Variants in WNK3 observed in about 807,000 individuals in gnomAD.
The protein encoded by WNK3 is serine/threonine-protein kinase WNK3.
WNK3 carries 18 observed loss-of-function variants against 116.7 expected under a neutral mutation model. The observed-to-expected ratio is 0.15, with a 90% CI of 0.11 to 0.23. WNK3 has a LOEUF of 0.23. Ranked by LOEUF, WNK3 falls within the 10% of genes least tolerant of loss-of-function variation. The pLI is 1.00. For missense variants in WNK3, 993 were observed against 1,323.8 expected, an observed-to-expected ratio of 0.75 and a Z score of 3.88; for synonymous variants, 404 against 469.4, an observed-to-expected ratio of 0.86 and a Z score of 1.80.
exon 8 of WNK3, chrX:54,294,696 A>G (rs2068677765): frequency 8.3e-7 from 1 of 1,210,664 alleles, no homozygotes; most frequent in African/African-American, 1.7e-5. Context: ...CTGAGGGAAT[A>G]CATTCCCCAT....
intron 17 of WNK3, among the ~76,000 whole-genome samples, chrX:54,245,874 T>G (rs1016595748): frequency 8.9e-6 from 1 of 112,103 alleles, no homozygotes; most frequent in Non-Finnish European, 1.9e-5. Context: ...TTTCTAACTT[T>G]CATAGTGTTA....
chrX:54,292,864 C>G (rs782785202), intron 10 of WNK3, 24 bp downstream of exon 10: 3 of 1,197,323 alleles, frequency 2.5e-6, no homozygotes, highest in Non-Finnish European at 2.3e-6. Context: ...TAAATGAATA[C>G]AGAACCTCTA....
At chrX:54,264,579 C>T (rs138000176) in intron 10 of WNK3, among the ~76,000 whole-genome samples, 2 of 110,861 alleles carry the variant, frequency 1.8e-5, no homozygotes, top group African/African-American at 6.5e-5. Context: ...TGAAAACATA[C>T]CAGCACTACA....
intron 10 of WNK3, among the ~76,000 whole-genome samples, chrX:54,275,780 TTAAC>T (rs1366763821): frequency 9.0e-6 from 1 of 110,597 alleles, no homozygotes; most frequent in Non-Finnish European, 1.9e-5. Context: ...TGGATAAACA[TTAAC>T]TATACACTTT....
chrX:54,320,721 T>A (rs1294612227), intron 2 of WNK3, among the ~76,000 whole-genome samples: 3 of 108,638 alleles, frequency 2.8e-5, no homozygotes, highest in African/African-American at 1.0e-4. Context: ...TCTGTGGAGA[T>A]GAGCCCTTGC....
intron 2 of WNK3, among the ~76,000 whole-genome samples, chrX:54,315,856 T>C (rs2068948646): frequency 9.0e-6 from 1 of 111,515 alleles, no homozygotes; most frequent in African/African-American, 3.3e-5. Context: ...GCTATAGCAG[T>C]CTCTCCCCTG....
upstream of WNK3, chrX:54,358,686 G>A (rs1352885947): frequency 6.2e-5 from 7 of 113,221 alleles, no homozygotes. Flanking sequence ...AACGACCAAA[G>A]CAGGGATGGG....
intron 2 of WNK3, among the ~76,000 whole-genome samples, chrX:54,323,007 G>C (rs971237228): frequency 9.0e-6 from 1 of 111,470 alleles, no homozygotes; most frequent in East Asian, 2.8e-4. Flanking sequence ...CAGTTATAAT[G>C]ATGACATGCA....
At chrX:54,354,122 C>T (rs2069559113) in intron 1 of WNK3, among the ~76,000 whole-genome samples, 1 of 110,940 alleles carries the variant, frequency 9.0e-6, no homozygotes, top group Non-Finnish European at 1.9e-5. Context: ...AAATATATCC[C>T]TGAAAGGGCA....
intron 1 of WNK3, among the ~76,000 whole-genome samples, chrX:54,340,469 G>T (rs1467276764): frequency 9.1e-6 from 1 of 110,483 alleles, no homozygotes; most frequent in Non-Finnish European, 1.9e-5. Flanking sequence ...AATTAGCCGG[G>T]CAGTAGTGGC....
intron 2 of WNK3, among the ~76,000 whole-genome samples, chrX:54,330,333 A>G (rs2069153753): frequency 9.0e-6 from 1 of 111,291 alleles, no homozygotes; most frequent in Non-Finnish European, 1.9e-5. Context: ...AGATTGTGCC[A>G]CTGCACTCTA....
chrX:54,216,873 T>C (rs1377479406), intron 22 of WNK3, among the ~76,000 whole-genome samples: 1 of 111,449 alleles, frequency 9.0e-6, no homozygotes, highest in Non-Finnish European at 1.9e-5. Flanking sequence ...AATAAATAAA[T>C]AAAAACAAAT....
At chrX:54,249,738 C>A in intron 16 of WNK3, 104 bp from the exon 17 acceptor site, 1 of 819,646 alleles carries the variant, frequency 1.2e-6, no homozygotes, top group Non-Finnish European at 1.7e-6. Flanking sequence ...CAAATGAGAA[C>A]CTGTGTGAAA....
rs1025297206 is a variant in WNK3, at chrX:54,294,498, G to T, written c.1693+55C>A. On this transcript the variant is annotated intron_variant, in intron 8 of 23. Transcript: ENST00000354646. ...ACCACTGCCCTTCAAAATAAATAAA[G>T]ATTAGAGAATATAATTGCACATGCG... 1.2e-4 allele frequency: 114 copies of T among 958,675 alleles called. No homozygotes were observed. The African/African-American group carries it at 1.6e-3, about 13-fold the overall frequency. 79.0% of individuals were successfully genotyped at this position (958,675 alleles called of 1,213,427 possible).
chrX:54,224,284 A>G (rs782007336), intron 22 of WNK3, among the ~76,000 whole-genome samples: 2 of 107,893 alleles, frequency 1.9e-5, no homozygotes, highest in African/African-American at 6.8e-5. Flanking sequence ...CCTGGGAGGC[A>G]GAGGTTGCAG....
At chrX:54,349,387 G>C (rs782769142) in intron 1 of WNK3, among the ~76,000 whole-genome samples, 26 of 111,759 alleles carry the variant, frequency 2.3e-4, no homozygotes, top group African/African-American at 8.1e-4. Flanking sequence ...CTGTTCATAA[G>C]AGCAACAAAG....
intron 22 of WNK3, among the ~76,000 whole-genome samples, chrX:54,211,270 T>C (rs1305372536): frequency 1.8e-5 from 2 of 109,043 alleles, no homozygotes; most frequent in Non-Finnish European, 3.8e-5. Flanking sequence ...GGTGAAATCC[T>C]GTCTCTACTA....
intron 10 of WNK3, among the ~76,000 whole-genome samples, chrX:54,263,413 G>A (rs1377535880): frequency 9.0e-6 from 1 of 111,675 alleles, no homozygotes; most frequent in Non-Finnish European, 1.9e-5. Context: ...CTGCAATACA[G>A]GCATTTTTTC....
intron 2 of WNK3, among the ~76,000 whole-genome samples, chrX:54,320,925 C>G (rs1557172096): frequency 2.7e-5 from 3 of 109,927 alleles, no homozygotes; most frequent in African/African-American, 9.9e-5. Flanking sequence ...GAGATGGAGT[C>G]TTGCTCTGTC....
Sources: gnomAD v4.1 joint callset for allele counts (sites outside exome capture counted in the v4.1 genomes callset) on GRCh38, gnomAD v4.1.1 for gene constraint, MANE v1.5 for transcripts, NCBI Gene and HGNC (gene_info 2026-07-23, HGNC 2026-07-21) for gene names.